LOC128092252: variants seen among roughly 807,000 people sequenced by gnomAD.
chr15:50,664,290 C>T, the LOC128092252 span, among the ~76,000 whole-genome samples: 41 of 116,182 alleles, frequency 3.5e-4, no homozygotes, highest in African/African-American at 1.3e-3. Flanking sequence ...AGCCTGGCGA[C>T]AGAGCAAGAC....
the LOC128092252 span, among the ~76,000 whole-genome samples, chr15:50,655,079 C>A: frequency 4.0e-5 from 5 of 126,356 alleles, no homozygotes; most frequent in Admixed American, 1.7e-4. Flanking sequence ...TAAGAGTGAA[C>A]CTGAAGACAT....
At chr15:50,677,014 G>A in the LOC128092252 span, among the ~76,000 whole-genome samples, 1 of 152,180 alleles carries the variant, frequency 6.6e-6, no homozygotes, top group East Asian at 1.9e-4. Flanking sequence ...GTACAATGAA[G>A]TTAATCAACA....
the LOC128092252 span, among the ~76,000 whole-genome samples, chr15:50,668,446 C>T: frequency 6.6e-6 from 1 of 152,124 alleles, no homozygotes; most frequent in African/African-American, 2.4e-5. Context: ...TTTCTCTCTA[C>T]CCCATTTCTC....
At chr15:50,672,866 T>G in the LOC128092252 span, among the ~76,000 whole-genome samples, 1 of 112,110 alleles carries the variant, frequency 8.9e-6, no homozygotes, top group African/African-American at 3.5e-5. Flanking sequence ...GCCACTGCAC[T>G]CCAGCCAGGG....
chr15:50,683,141 G>C, the LOC128092252 span, among the ~76,000 whole-genome samples: 1 of 151,308 alleles, frequency 6.6e-6, no homozygotes. Flanking sequence ...ACCCGCCTCA[G>C]TCTCTCAAAG....
At chr15:50,676,647 C>A in the LOC128092252 span, among the ~76,000 whole-genome samples, 1 of 151,932 alleles carries the variant, frequency 6.6e-6, no homozygotes, top group Non-Finnish European at 1.5e-5. Flanking sequence ...GGAGTCTATA[C>A]TTAGAATAAA....
the LOC128092252 span, among the ~76,000 whole-genome samples, chr15:50,653,494 G>C: frequency 7.2e-5 from 11 of 151,844 alleles, no homozygotes; most frequent in Non-Finnish European, 1.6e-4. Context: ...ACATAAATGT[G>C]AACAAAATAT....
chr15:50,671,687 A>G, the LOC128092252 span, among the ~76,000 whole-genome samples: 1 of 152,040 alleles, frequency 6.6e-6, no homozygotes, highest in Non-Finnish European at 1.5e-5. Context: ...GTGCCTGCCT[A>G]TAGTCCCAGC....
the LOC128092252 span, among the ~76,000 whole-genome samples, chr15:50,652,289 T>C: frequency 3.3e-5 from 4 of 119,784 alleles, no homozygotes; most frequent in Non-Finnish European, 4.7e-5. Flanking sequence ...GCCAAGATCA[T>C]GCCACTGCAC....
chr15:50,677,983 T>C, the LOC128092252 span, among the ~76,000 whole-genome samples: 2 of 151,880 alleles, frequency 1.3e-5, no homozygotes, highest in Non-Finnish European at 2.9e-5. Context: ...CTCATGCCTA[T>C]AATCCCAGCA....
the LOC128092252 span, among the ~76,000 whole-genome samples, chr15:50,672,166 G>A: frequency 6.6e-6 from 1 of 151,992 alleles, no homozygotes; most frequent in Non-Finnish European, 1.5e-5. Flanking sequence ...CCATTCTCCT[G>A]CCTCAGCCTC....
At chr15:50,651,817 G>A in the LOC128092252 span, among the ~76,000 whole-genome samples, 1 of 152,058 alleles carries the variant, frequency 6.6e-6, no homozygotes, top group Non-Finnish European at 1.5e-5. Context: ...AACCCAGGAG[G>A]TGGGGGTTGC....
chr15:50,660,977 C>T, the LOC128092252 span, among the ~76,000 whole-genome samples: 1 of 150,304 alleles, frequency 6.7e-6, no homozygotes, highest in Non-Finnish European at 1.5e-5. Flanking sequence ...AACTACCATT[C>T]CTTTTTTTTT....
chr15:50,685,836 C>A, the LOC128092252 span, among the ~76,000 whole-genome samples: 2 of 152,146 alleles, frequency 1.3e-5, no homozygotes, highest in African/African-American at 4.8e-5. Context: ...TTCTCTGGGG[C>A]AAGGGATGCG....
the LOC128092252 span, among the ~76,000 whole-genome samples, chr15:50,672,352 G>A: frequency 1.3e-5 from 2 of 151,686 alleles, no homozygotes; most frequent in African/African-American, 2.4e-5. Context: ...CACCTCGCCC[G>A]GCCACTCCTA....
chr15:50,664,281 G>A, the LOC128092252 span, among the ~76,000 whole-genome samples: 2 of 141,508 alleles, frequency 1.4e-5, no homozygotes. Context: ...CTGCACTCCA[G>A]CCTGGCGACA....
chr15:50,669,446 GA>G, the LOC128092252 span, among the ~76,000 whole-genome samples: 1 of 148,540 alleles, frequency 6.7e-6, no homozygotes, highest in Non-Finnish European at 1.5e-5. Flanking sequence ...AAAAGAAAAG[GA>G]AAAAAAAAAT....
chr15:50,670,467 G>A, the LOC128092252 span, among the ~76,000 whole-genome samples: 4 of 152,248 alleles, frequency 2.6e-5, no homozygotes, highest in East Asian at 3.9e-4. Flanking sequence ...TGGCAACAGA[G>A]TAGACCTCTT....
chr15:50,655,829 A>T, the LOC128092252 span, among the ~76,000 whole-genome samples: 1 of 152,040 alleles, frequency 6.6e-6, no homozygotes, highest in Non-Finnish European at 1.5e-5. Context: ...ATCTATACTA[A>T]AAGTACGAAA....
Sources: allele counts gnomAD v4.1 joint callset (sites outside exome capture counted in the v4.1 genomes callset), GRCh38; gene constraint gnomAD v4.1.1; transcripts MANE v1.5.